PLCZ1: variants seen among roughly 807,000 people sequenced by gnomAD.
PLCZ1 encodes phospholipase C zeta 1.
In PLCZ1, 64 loss-of-function variants were observed where a neutral mutation model predicts 76.8. The ratio of observed to expected loss-of-function variants is 0.83; its 90% confidence interval spans 0.68 to 1.03. The LOEUF is 1.03. Among genes scored for constraint, PLCZ1 ranks in the 50% least tolerant of loss-of-function variants. The probability of loss-of-function intolerance (pLI) is 0.00; values close to 1 mark genes in which losing one functional copy is unlikely to be tolerated. For missense variants in PLCZ1, 751 were observed against 713.7 expected (o/e 1.05, Z -0.60); for synonymous variants, 248 against 230.8 (o/e 1.07, Z -0.68).
At chr12:18,717,882 G>T (rs1436362566) in intron 5 of PLCZ1, among the ~76,000 whole-genome samples, 2 of 152,088 alleles carry the variant, frequency 1.3e-5, no homozygotes, top group Admixed American at 6.5e-5. Context: ...AGTGGAAATC[G>T]CATTTCGAAT....
chr12:18,676,010 TA>T, the PLCZ1 span, among the ~76,000 whole-genome samples: 4 of 151,356 alleles, frequency 2.6e-5, no homozygotes, highest in South Asian at 2.1e-4. Context: ...TGAATCTATT[TA>T]AAAAAAAACT....
At chr12:18,697,472 A>T (rs58297740) in intron 10 of PLCZ1, among the ~76,000 whole-genome samples, 1 of 152,018 alleles carries the variant, frequency 6.6e-6, no homozygotes. Flanking sequence ...TCATTTACAA[A>T]GTAATAAATG....
At chr12:18,735,878 C>T in intron 3 of PLCZ1, 1 of 165,150 alleles carries the variant, frequency 6.1e-6, no homozygotes, top group Non-Finnish European at 1.3e-5. Context: ...TTATTTCCTC[C>T]CTTCTGCTAA....
intron 4 of PLCZ1, among the ~76,000 whole-genome samples, chr12:18,721,502 G>C (rs1958432322): frequency 6.6e-6 from 1 of 151,978 alleles, no homozygotes; most frequent in Admixed American, 6.6e-5. Flanking sequence ...CAATTCCAAA[G>C]TGTCACTGCC....
At chr12:18,722,921 TATA>T (rs1212198212) in intron 4 of PLCZ1, among the ~76,000 whole-genome samples, 1 of 152,054 alleles carries the variant, frequency 6.6e-6, no homozygotes, top group Non-Finnish European at 1.5e-5. Context: ...TTTTCAATAA[TATA>T]ATGCATTAAA....
chr12:18,692,576 T>G (rs1479692519), intron 12 of PLCZ1, among the ~76,000 whole-genome samples: 2 of 152,078 alleles, frequency 1.3e-5, no homozygotes, highest in African/African-American at 4.8e-5. Context: ...GGAAAGGTGC[T>G]AGGTGGGATA....
At chr12:18,722,905 T>C (rs1368545906) in intron 4 of PLCZ1, among the ~76,000 whole-genome samples, 1 of 152,038 alleles carries the variant, frequency 6.6e-6, no homozygotes, top group Admixed American at 6.6e-5. Context: ...TTAATTTTCA[T>C]AGATATTTTC....
chr12:18,650,664 A>ATATGTG, the PLCZ1 span, among the ~76,000 whole-genome samples: 15 of 35,606 alleles, frequency 4.2e-4, no homozygotes, highest in Middle Eastern at 0.021. Context: ...TGGAATATAA[A>ATATGTG]TGTGTGTGTG....
intron 12 of PLCZ1, among the ~76,000 whole-genome samples, chr12:18,688,956 A>C (rs1293524294): frequency 2.0e-5 from 3 of 152,064 alleles, no homozygotes; most frequent in African/African-American, 4.8e-5. Flanking sequence ...TTATAAAGGA[A>C]TAAAGAAAGG....
chr12:18,736,184 C>T, intron 3 of PLCZ1, 37 bp downstream of exon 3: 1 of 1,605,334 alleles, frequency 6.2e-7, no homozygotes, highest in East Asian at 2.2e-5. Context: ...TAAGTTCCAC[C>T]TAGGATAGGA....
rs931136301 is a variant in PLCZ1, at chr12:18,684,257, T to C, written c.1614A>G (p.Glu538=). The C allele has an allele frequency of 6.8e-6, 11 of 1,609,700 alleles. No individual in the cohort carries two copies. The highest frequency in any genetic ancestry group is 9.3e-6 in the Non-Finnish European group (11 of 1,176,894). The change falls in exon 14 of 15, where the codon GAA becomes GAG. Residue 538 remains glutamate (E), a synonymous_variant. Coordinates refer to ENST00000266505, the MANE Select transcript of PLCZ1 (RefSeq NM_033123.4). ...GGACATGAATAATAAATGTGAATGT[T>C]TCATTCCATCTTGGACTAAAAGCTG... The part of the protein sequence containing the change: ...KKNAFSPRWN[E]TFTFIIHVPE...
At chr12:18,700,920 G>T (rs891817824) in intron 9 of PLCZ1, among the ~76,000 whole-genome samples, 2 of 151,852 alleles carry the variant, frequency 1.3e-5, no homozygotes, top group Non-Finnish European at 2.9e-5. Context: ...GTGTATCTCT[G>T]CATCTTTTGC....
In PLCZ1 at chr12:18,701,502, T is replaced by G. The variant is rs753277199; in HGVS notation, c.1016A>C (p.Lys339Thr). Reference sequence around the variant, plus strand: ...GATTTTCACAAAACACCACCTCACCTTCTTTTTCTTGAAAAGCATTACTCC... The same window carrying G: ...GATTTTCACAAAACACCACCTCACCGTCTTTTTCTTGAAAAGCATTACTCC... ...LPGVMLFKKK[K>T]TRKLKIALAL... The change falls in exon 9 of 15, where the codon AAG becomes ACG. Residue 339 changes from lysine (K) to threonine (T), a missense_variant and splice_region_variant. Lys to Thr is a moderately conservative substitution (Grantham distance 78, BLOSUM62 -1). Coordinates refer to ENST00000266505, the MANE Select transcript of PLCZ1 (RefSeq NM_033123.4). 25 of 1,613,982 alleles carry G rather than the reference T, an allele frequency of 1.5e-5. No homozygotes were observed. The Middle Eastern group carries it at 2.0e-3, about 127-fold the overall frequency.
chr12:18,656,494 G>A, the PLCZ1 span, among the ~76,000 whole-genome samples: 9 of 152,292 alleles, frequency 5.9e-5, no homozygotes, highest in East Asian at 1.5e-3. Context: ...GAACCCAGGA[G>A]AAGGAGGTTG....
the PLCZ1 span, among the ~76,000 whole-genome samples, chr12:18,671,460 C>G: frequency 3.3e-5 from 5 of 151,968 alleles, no homozygotes; most frequent in African/African-American, 1.2e-4. Flanking sequence ...ATGCAGAAAA[C>G]CTGAACCTAA....
At chr12:18,690,441 T>A (rs187889383) in intron 12 of PLCZ1, among the ~76,000 whole-genome samples, 3 of 152,220 alleles carry the variant, frequency 2.0e-5, no homozygotes, top group Admixed American at 6.5e-5. Flanking sequence ...GCCAGGCTGG[T>A]CTTGAACTCT....
chr12:18,704,691 G>A (rs1447459750), intron 7 of PLCZ1, among the ~76,000 whole-genome samples: 1 of 152,084 alleles, frequency 6.6e-6, no homozygotes, highest in East Asian at 1.9e-4. Context: ...AGATGTGGAC[G>A]TGATTTTTCA....
chr12:18,656,493 A>C, the PLCZ1 span, among the ~76,000 whole-genome samples: 1 of 152,140 alleles, frequency 6.6e-6, no homozygotes, highest in Non-Finnish European at 1.5e-5. Context: ...TGAACCCAGG[A>C]GAAGGAGGTT....
chr12:18,646,325 A>G, the PLCZ1 span, among the ~76,000 whole-genome samples: 1 of 152,222 alleles, frequency 6.6e-6, no homozygotes, highest in Non-Finnish European at 1.5e-5. Context: ...AGAAAACTAA[A>G]CCATAATCTC....
Sources: allele counts gnomAD v4.1 joint callset (sites outside exome capture counted in the v4.1 genomes callset), GRCh38; gene constraint gnomAD v4.1.1; transcripts MANE v1.5; gene names NCBI Gene and HGNC (gene_info 2026-07-23, HGNC 2026-07-21).